The following DPYD variants were observed in gnomAD, a reference collection of about 807,000 sequenced individuals.
DPYD encodes dihydropyrimidine dehydrogenase [NADP(+)].
Under a neutral mutation model 116.2 loss-of-function variants are expected in DPYD, and 109 were observed. The observed-to-expected ratio is 0.94, with a 90% CI of 0.80 to 1.10. The LOEUF is 1.10. Among genes scored for constraint, DPYD ranks in the 50% least tolerant of loss-of-function variants. The probability of loss-of-function intolerance (pLI) is 0.00; values close to 1 mark genes in which losing one functional copy is unlikely to be tolerated. For missense variants in DPYD, 1,302 were observed against 1,254.5 expected (o/e 1.04, Z -0.57); for synonymous variants, 440 against 432.0 (o/e 1.02, Z -0.23).
intron 11 of DPYD, among the ~76,000 whole-genome samples, chr1:97,554,464 C>T (rs546055701): frequency 6.6e-6 from 1 of 151,900 alleles, no homozygotes; most frequent in African/African-American, 2.4e-5. Context: ...TAAAATGATA[C>T]CTTGAAAACA....
At chr1:97,088,998 T>C (rs751022168) in intron 21 of DPYD, among the ~76,000 whole-genome samples, 17 of 152,156 alleles carry the variant, frequency 1.1e-4, no homozygotes, top group Non-Finnish European at 2.2e-4. Context: ...TCCAATATGG[T>C]CTTGCAGTTT....
intron 14 of DPYD, among the ~76,000 whole-genome samples, chr1:97,393,995 G>T (rs1032548317): frequency 1.8e-4 from 28 of 152,250 alleles, no homozygotes; most frequent in Middle Eastern, 6.8e-3. Flanking sequence ...TAACTGGTGT[G>T]AGATGGTATC....
chr1:97,149,860 C>T (rs1195381047), intron 20 of DPYD, among the ~76,000 whole-genome samples: 1 of 152,186 alleles, frequency 6.6e-6, no homozygotes, highest in Non-Finnish European at 1.5e-5. Context: ...TATATATTTT[C>T]ACATAGTAAC....
chr1:97,198,806 A>G (rs1332182431), intron 19 of DPYD, among the ~76,000 whole-genome samples: 1 of 152,146 alleles, frequency 6.6e-6, no homozygotes, highest in Non-Finnish European at 1.5e-5. Context: ...GCCACCATTA[A>G]TTATTTCTAT....
intron 13 of DPYD, among the ~76,000 whole-genome samples, chr1:97,499,163 T>A (rs549578114): frequency 2.0e-5 from 3 of 151,840 alleles, no homozygotes; most frequent in Non-Finnish European, 3.0e-5. Context: ...ACAATTTCTG[T>A]TTATTTAAAA....
At chr1:97,749,206 C>A (rs1346956422) in intron 3 of DPYD, among the ~76,000 whole-genome samples, 1 of 152,126 alleles carries the variant, frequency 6.6e-6, no homozygotes, top group Non-Finnish European at 1.5e-5. Context: ...TATCCATGTA[C>A]AAATATGGTC....
chr1:97,794,765 G>A (rs1667484891), intron 3 of DPYD, among the ~76,000 whole-genome samples: 1 of 152,080 alleles, frequency 6.6e-6, no homozygotes, highest in African/African-American at 2.4e-5. Context: ...TAAAAAGTGG[G>A]AAGCCATGCT....
At chr1:97,131,885 C>G (rs1382868348) in intron 20 of DPYD, among the ~76,000 whole-genome samples, 1 of 151,952 alleles carries the variant, frequency 6.6e-6, no homozygotes, top group Admixed American at 6.6e-5. Context: ...TTGTATTTTT[C>G]ACATAACAAA....
intron 11 of DPYD, among the ~76,000 whole-genome samples, chr1:97,565,288 T>C (rs1417873630): frequency 2.0e-5 from 3 of 152,128 alleles, no homozygotes; most frequent in Non-Finnish European, 2.9e-5. Flanking sequence ...TTATTACAAA[T>C]GGTGCACAAT....
At chr1:97,152,651 G>A (rs1362607777) in intron 20 of DPYD, among the ~76,000 whole-genome samples, 1 of 149,028 alleles carries the variant, frequency 6.7e-6, no homozygotes, top group Non-Finnish European at 1.5e-5. Flanking sequence ...ATATATGCAA[G>A]GCACACATGT....
chr1:97,608,950 T>C (rs1004874675), intron 8 of DPYD, among the ~76,000 whole-genome samples: 1 of 151,846 alleles, frequency 6.6e-6, no homozygotes, highest in African/African-American at 2.4e-5. Flanking sequence ...TACATACCAA[T>C]TCACGAATTA....
intron 3 of DPYD, among the ~76,000 whole-genome samples, chr1:97,793,356 C>A (rs1168730520): frequency 2.6e-5 from 4 of 152,086 alleles, no homozygotes; most frequent in African/African-American, 9.7e-5. Flanking sequence ...TAAAAATAGA[C>A]AAACTTATTC....
At chr1:97,301,322 A>C (rs751743923) in intron 18 of DPYD, among the ~76,000 whole-genome samples, 4 of 152,108 alleles carry the variant, frequency 2.6e-5, no homozygotes, top group Non-Finnish European at 5.9e-5. Flanking sequence ...TACATAATGA[A>C]TAACTTCAAA....
chr1:97,793,484 A>G lies in DPYD; in HGVS notation c.233+34630T>C, dbSNP rs148616104. 2.7e-3 allele frequency among the ~76,000 whole-genome samples: 416 copies of G among 152,322 alleles called. 2 individuals carry two copies. Among genetic ancestry groups the G allele is most frequent in the African/African-American group, 8.9e-3 (370 of 41,578 alleles). On this transcript the variant is annotated intron_variant, in intron 3 of 22. Coordinates refer to ENST00000370192, the MANE Select transcript of DPYD (RefSeq NM_000110.4). The stretch of plus-strand genomic sequence containing the variant: ...AGACTAACTGTGAAGACAATATGAT[A>G]CCAGTGTTAATATAGAAAAAAAGAT...
intron 10 of DPYD, among the ~76,000 whole-genome samples, chr1:97,587,034 A>G (rs574337036): frequency 1.3e-5 from 2 of 152,222 alleles, no homozygotes; most frequent in Non-Finnish European, 2.9e-5. Context: ...CTAATTTTAT[A>G]GATGGGCATA....
chr1:97,254,664 T>A (rs957952106), intron 18 of DPYD, among the ~76,000 whole-genome samples: 4 of 152,144 alleles, frequency 2.6e-5, no homozygotes, highest in African/African-American at 9.6e-5. Context: ...TTAAACAGAG[T>A]GGATGACACA....
chr1:97,281,835 A>T (rs539543146), intron 18 of DPYD, among the ~76,000 whole-genome samples: 69 of 152,200 alleles, frequency 4.5e-4, no homozygotes, highest in African/African-American at 1.6e-3. Flanking sequence ...CAATATCATG[A>T]GTAGGGTATA....
At chr1:97,477,183 T>C (rs190043140) in intron 13 of DPYD, among the ~76,000 whole-genome samples, 134 of 152,354 alleles carry the variant, frequency 8.8e-4, no homozygotes, top group African/African-American at 2.9e-3. Flanking sequence ...GATAGCATTT[T>C]ACCCACAGTA....
intron 16 of DPYD, among the ~76,000 whole-genome samples, chr1:97,319,472 G>T (rs1465316610): frequency 7.8e-6 from 1 of 128,004 alleles, no homozygotes; most frequent in Non-Finnish European, 1.6e-5. Flanking sequence ...AAATAAACTA[G>T]AAAATCTAGA....
Sources: allele counts gnomAD v4.1 joint callset (sites outside exome capture counted in the v4.1 genomes callset), GRCh38; gene constraint gnomAD v4.1.1; transcripts MANE v1.5; gene names NCBI Gene and HGNC (gene_info 2026-07-23, HGNC 2026-07-21).